The following PAQR5 variants were observed in gnomAD, a reference collection of about 807,000 sequenced individuals.
PAQR5 encodes membrane progestin receptor gamma.
PAQR5 carries 20 observed loss-of-function variants against 34.5 expected under a neutral mutation model. The ratio of observed to expected loss-of-function variants is 0.58; its 90% CI spans 0.41 to 0.84. PAQR5 has a LOEUF of 0.84. Among genes scored for constraint, PAQR5 ranks in the 40% least tolerant of loss-of-function variants. The probability of loss-of-function intolerance (pLI) is 0.00; values close to 1 mark genes in which losing one functional copy is unlikely to be tolerated. For synonymous variants in PAQR5, 131 were observed against 155.6 expected (o/e 0.84, Z 1.18); for missense variants, 378 against 412.7 (o/e 0.92, Z 0.73).
intron 1 of PAQR5, among the ~76,000 whole-genome samples, chr15:69,313,842 T>G (rs2053882868): frequency 6.6e-6 from 1 of 151,732 alleles, no homozygotes; most frequent in South Asian, 2.1e-4. Context: ...CTGCCAACAG[T>G]GAGGGTGGGG....
Position 69,378,436 on chromosome 15 carries a change from CAAAAAAAAAA to C in PAQR5, c.52-1433_52-1424del, listed in dbSNP as rs1235264927. ...TGGGCTTCAGATCAAGACCCTGTCT[CAAAAAAAAAA>C]AAAAAAAAAAAAAGAGAGAGAGAGA... is the stretch of plus-strand genomic sequence containing the variant. On this transcript the variant is annotated intron_variant, in intron 3 of 8. Transcript: ENST00000395407. Among the ~76,000 whole-genome samples, 227 of 52,530 alleles carry C rather than the reference CAAAAAAAAAA, an allele frequency of 4.3e-3. 3 individuals are homozygous for C. Among genetic ancestry groups the C allele is most frequent in the African/African-American group, 0.02 (219 of 10,860 alleles). The allele number at this position is 52,530 out of a possible 152,430, so 34.5% of individuals were successfully genotyped here.
chr15:69,310,301 A>G (rs969391217), intron 1 of PAQR5, among the ~76,000 whole-genome samples: 2 of 152,158 alleles, frequency 1.3e-5, no homozygotes, highest in Non-Finnish European at 2.9e-5. Flanking sequence ...ATGTGCGTTT[A>G]TATTTGGAAA....
chr15:69,393,780 A>G (rs937075622), intron 6 of PAQR5, among the ~76,000 whole-genome samples: 5 of 152,244 alleles, frequency 3.3e-5, no homozygotes, highest in African/African-American at 1.2e-4. Flanking sequence ...TTCCATTACA[A>G]GGCAGACCAT....
intron 2 of PAQR5, among the ~76,000 whole-genome samples, chr15:69,355,931 A>G (rs1313174743): frequency 2.0e-5 from 3 of 152,210 alleles, no homozygotes; most frequent in Admixed American, 2.0e-4. Context: ...ATAATCAGCT[A>G]TTCACTTATC....
At chr15:69,312,168 G>C (rs1355033079) in intron 1 of PAQR5, among the ~76,000 whole-genome samples, 1 of 152,158 alleles carries the variant, frequency 6.6e-6, no homozygotes, top group Non-Finnish European at 1.5e-5. Context: ...AAAGAGGCTG[G>C]AGGAAAATCT....
At chr15:69,343,384 C>T (rs573308852) in intron 2 of PAQR5, among the ~76,000 whole-genome samples, 56 of 152,174 alleles carry the variant, frequency 3.7e-4, no homozygotes, top group African/African-American at 1.3e-3. Flanking sequence ...TATTTGGGAT[C>T]CTTTCAGAAG....
At chr15:69,343,968 G>A (rs2054702753) in intron 2 of PAQR5, among the ~76,000 whole-genome samples, 4 of 152,112 alleles carry the variant, frequency 2.6e-5, no homozygotes, top group Admixed American at 2.6e-4. Flanking sequence ...TGAGTGGCTG[G>A]GACCACAGGC....
intron 5 of PAQR5, 51 bp downstream of exon 5, chr15:69,384,933 C>T (rs2140940717): frequency 7.0e-7 from 1 of 1,421,312 alleles, no homozygotes; most frequent in Admixed American, 1.8e-5. Flanking sequence ...GGGCTGTTTG[C>T]CCCTTCTCCT....
At chr15:69,397,405 C>T (rs752885283) in intron 6 of PAQR5, 63 bp from the exon 7 acceptor site, 114 of 1,046,032 alleles carry the variant, frequency 1.1e-4, no homozygotes, top group Admixed American at 1.5e-4. Flanking sequence ...CATGCATGTG[C>T]GTATGCAATT....
chr15:69,348,444 C>G (rs947881208), intron 2 of PAQR5, among the ~76,000 whole-genome samples: 1 of 152,162 alleles, frequency 6.6e-6, no homozygotes, highest in Non-Finnish European at 1.5e-5. Context: ...TGGGCCCTTA[C>G]CTGCTTTGCT....
chr15:69,371,373 T>C (rs1304757910), intron 3 of PAQR5, among the ~76,000 whole-genome samples: 1 of 152,172 alleles, frequency 6.6e-6, no homozygotes, highest in African/African-American at 2.4e-5. Flanking sequence ...CTGCAGCATA[T>C]GATAATTATA....
At chr15:69,387,237 C>A (rs1488846406) in intron 5 of PAQR5, among the ~76,000 whole-genome samples, 3 of 152,222 alleles carry the variant, frequency 2.0e-5, no homozygotes, top group Non-Finnish European at 4.4e-5. Context: ...GTTGCCCGCC[C>A]CGGACTTGTT....
chr15:69,389,402 G>A (rs887757843), intron 5 of PAQR5, among the ~76,000 whole-genome samples: 3 of 152,236 alleles, frequency 2.0e-5, no homozygotes, highest in African/African-American at 7.2e-5. Context: ...GATGGTTGAA[G>A]TATTATGTGA....
intron 1 of PAQR5, among the ~76,000 whole-genome samples, chr15:69,305,932 A>T (rs1024193508): frequency 5.3e-5 from 8 of 152,186 alleles, no homozygotes; most frequent in Admixed American, 2.6e-4. Context: ...GTCTCTGGGA[A>T]TAACAGACTG....
At chr15:69,318,716 C>G (rs2054011289) in intron 1 of PAQR5, among the ~76,000 whole-genome samples, 1 of 151,822 alleles carries the variant, frequency 6.6e-6, no homozygotes, top group South Asian at 2.1e-4. Context: ...TAGTACTAAA[C>G]CTGGTATATA....
intron 2 of PAQR5, among the ~76,000 whole-genome samples, chr15:69,344,049 G>T (rs987355788): frequency 6.6e-6 from 1 of 152,100 alleles, no homozygotes; most frequent in Non-Finnish European, 1.5e-5. Flanking sequence ...GCCCAGGCTG[G>T]TTTTGAACTC....
At chr15:69,314,172 G>A (rs1316512859) in intron 1 of PAQR5, among the ~76,000 whole-genome samples, 1 of 151,842 alleles carries the variant, frequency 6.6e-6, no homozygotes, top group Non-Finnish European at 1.5e-5. Flanking sequence ...GTCCTCTCTA[G>A]AACCTGACTA....
chr15:69,326,333 TG>T (rs1434345561), intron 1 of PAQR5, among the ~76,000 whole-genome samples: 2 of 152,214 alleles, frequency 1.3e-5, no homozygotes, highest in Admixed American at 1.3e-4. Flanking sequence ...TTTCCTGGGC[TG>T]CATCCCGTTC....
At chr15:69,300,005 G>A (rs1184060331) in intron 1 of PAQR5, among the ~76,000 whole-genome samples, 1 of 152,218 alleles carries the variant, frequency 6.6e-6, no homozygotes, top group Non-Finnish European at 1.5e-5. Context: ...ACAAAGCTCA[G>A]CCATTTGCTG....
Sources: gnomAD v4.1 joint callset for allele counts (sites outside exome capture counted in the v4.1 genomes callset) on GRCh38, gnomAD v4.1.1 for gene constraint, MANE v1.5 for transcripts, NCBI Gene and HGNC (gene_info 2026-07-23, HGNC 2026-07-21) for gene names.